HINT3: variants seen among roughly 807,000 people sequenced by gnomAD.
HINT3 encodes histidine triad nucleotide binding protein 3.
In HINT3, 16 loss-of-function variants were observed where a neutral mutation model predicts 19.1. That is an observed-to-expected ratio of 0.84 (90% CI 0.57 to 1.27). HINT3 has a LOEUF of 1.27. HINT3 is among the 50% of genes most tolerant of loss of function. The pLI, the probability that HINT3 is intolerant of heterozygous loss-of-function variation, is 0.00. For missense variants in HINT3, 197 were observed against 225.8 expected, an observed-to-expected ratio of 0.87 and a Z score of 0.82; for synonymous variants, 75 against 84.8, an observed-to-expected ratio of 0.88 and a Z score of 0.63.
chr6:125,960,772 C>T (rs1422204442), intron 1 of HINT3, among the ~76,000 whole-genome samples: 2 of 151,800 alleles, frequency 1.3e-5, no homozygotes, highest in Non-Finnish European at 2.9e-5. Context: ...AGAAAGAATA[C>T]GCACATCAGT....
rs1251076647 is a variant in HINT3 at position 125,962,249 on chromosome 6, TACACACATATATATATATATACATAC to T, written c.202-4636_202-4611del. On this transcript the variant is annotated intron_variant, in intron 1 of 4. Transcript: ENST00000229633. ...ATATATATATACACATATATATATA[TACACACATATATATATATATACATAC>T]ATATATATATACACATATATATATA... Among the ~76,000 whole-genome samples, 85 of 20,504 alleles carry T rather than the reference TACACACATATATATATATATACATAC, an allele frequency of 4.1e-3. 4 individuals are homozygous for T. The highest frequency in any genetic ancestry group is 0.013 in the East Asian group (3 of 228). 13.5% of individuals were successfully genotyped at this position (20,504 alleles called of 152,430 possible).
rs1239471829 is a variant in HINT3 at position 125,974,867 on chromosome 6, C to G, written c.410C>G (p.Pro137Arg). 1 of 1,613,710 alleles carries G rather than the reference C, an allele frequency of 6.2e-7. No individual in the cohort carries two copies. Among genetic ancestry groups the G allele is most frequent in the South Asian group, 1.1e-5 (1 of 91,042 alleles). Reference sequence around the variant, plus strand: ...TTTAGGATGGGTTTTCATATGCCACCATTCTGTTCCATTTCCCACTTGCAC... The same window carrying G: ...TTTAGGATGGGTTTTCATATGCCACGATTCTGTTCCATTTCCCACTTGCAC... The part of the protein sequence containing the change: ...TNVRMGFHMP[P>R]FCSISHLHLH... Residue 137 changes from proline to arginine, a missense_variant, in exon 4 of 5, where the codon CCA (proline) becomes CGA (arginine). By Grantham distance (103) the Pro-to-Arg change is moderately radical (BLOSUM62 -2). Transcript: ENST00000229633.
intron 4 of HINT3, 73 bp downstream of exon 4, chr6:125,975,046 C>G: frequency 7.0e-7 from 1 of 1,419,412 alleles, no homozygotes; most frequent in Non-Finnish European, 9.8e-7. Context: ...TTTTTCTTCT[C>G]AACAGTAGGC....
intron 4 of HINT3, among the ~76,000 whole-genome samples, chr6:125,976,061 A>C (rs773925563): frequency 6.6e-6 from 1 of 152,330 alleles, no homozygotes; most frequent in African/African-American, 2.4e-5. Flanking sequence ...ATGATGACAA[A>C]GTGATCTGTA....
At chr6:125,970,272 G>A (rs969083788) in intron 2 of HINT3, among the ~76,000 whole-genome samples, 1 of 152,112 alleles carries the variant, frequency 6.6e-6, no homozygotes, top group African/African-American at 2.4e-5. Flanking sequence ...TATAACTACA[G>A]TACCCTGTAC....
intron 1 of HINT3, among the ~76,000 whole-genome samples, chr6:125,962,044 CTT>C (rs1470000815): frequency 6.6e-6 from 1 of 151,088 alleles, no homozygotes; most frequent in East Asian, 1.9e-4. Flanking sequence ...GAGAGAGATT[CTT>C]TTTCTGAGGC....
intron 2 of HINT3, among the ~76,000 whole-genome samples, chr6:125,971,383 G>T (rs570040836): frequency 6.6e-6 from 1 of 152,180 alleles, no homozygotes; most frequent in Non-Finnish European, 1.5e-5. Flanking sequence ...CATATGATCA[G>T]ATGTCCTAAA....
At chr6:125,963,786 A>C (rs1312526677) in intron 1 of HINT3, among the ~76,000 whole-genome samples, 1 of 152,214 alleles carries the variant, frequency 6.6e-6, no homozygotes, top group African/African-American at 2.4e-5. Context: ...AAGTCTCCTT[A>C]GGGAGGTGTT....
At position 125,957,175 on chromosome 6, in the gene HINT3, C is replaced by A; in HGVS notation, c.198C>A (p.Cys66Ter). 2 of 1,543,410 alleles carry A rather than the reference C, an allele frequency of 1.3e-6. No homozygotes were observed. The highest frequency in any genetic ancestry group is 1.8e-6 in the Non-Finnish European group (2 of 1,142,326). Residue 66 changes from cysteine to a stop codon, truncating the protein, a stop_gained, in exon 1 of 5, where the codon TGC becomes TGA. Transcript: ENST00000229633. LOFTEE classifies it high-confidence loss of function. ...RQDPGTELLH[C>*]ENEDLICFKD... ...ACCCGGGCACCGAACTCCTGCACTG[C>A]GAGGTGGGCGGCGACGCGCGGCCGG...
intron 1 of HINT3, among the ~76,000 whole-genome samples, chr6:125,962,111 C>A (rs1188373993): frequency 1.4e-5 from 2 of 145,912 alleles, no homozygotes; most frequent in Non-Finnish European, 3.0e-5. Context: ...GTAACAAGGG[C>A]ATTGGGAGTT....
chr6:125,974,748 T>TAAATAG, intron 3 of HINT3, 99 bp from the exon 4 acceptor site: 1 of 1,131,702 alleles, frequency 8.8e-7, no homozygotes, highest in Non-Finnish European at 1.3e-6. Flanking sequence ...TTACCTTAGG[T>TAAATAG]ACTTATTTTG....
intron 1 of HINT3, among the ~76,000 whole-genome samples, chr6:125,965,494 G>T (rs1163708278): frequency 1.3e-5 from 2 of 152,130 alleles, no homozygotes; most frequent in East Asian, 3.9e-4. Flanking sequence ...AAGTATTAAA[G>T]AAATAATGGT....
At chr6:125,960,643 C>G (rs183338219) in intron 1 of HINT3, among the ~76,000 whole-genome samples, 2 of 126,354 alleles carry the variant, frequency 1.6e-5, no homozygotes, top group Admixed American at 1.1e-4. Context: ...GGTGACAGAG[C>G]AAGACTCTCT....
intron 1 of HINT3, among the ~76,000 whole-genome samples, chr6:125,957,884 T>C (rs886323872): frequency 6.6e-6 from 1 of 152,244 alleles, no homozygotes; most frequent in Admixed American, 6.5e-5. Flanking sequence ...TTGTGTCTTT[T>C]GTAGTAAACA....
rs1433966734 is a variant in HINT3 at position 125,979,135 on chromosome 6, T to G, written c.*1459T>G. 2.0e-5 allele frequency: 3 copies of G among 152,164 alleles called. No individual in the cohort carries two copies. The highest frequency in any genetic ancestry group is 2.0e-4 in the Admixed American group (3 of 15,260). The allele number at this position is 152,164 out of a possible 1,614,324, so 9.4% of individuals were successfully genotyped here. A position where few individuals can be genotyped will look rare whatever the true frequency, so the allele number is the denominator to read the frequency against. ...ACAGTGACTGGTTAGGCTGAGAAAC[T>G]TACAAGTATTTTCGTTGAGTTCTGC... On this transcript the variant is annotated 3_prime_UTR_variant, in exon 5 of 5. Transcript: ENST00000229633.
At chr6:125,962,238 A>ATGTG (rs1562212198) in intron 1 of HINT3, among the ~76,000 whole-genome samples, 27 of 30,440 alleles carry the variant, frequency 8.9e-4, no homozygotes, top group Non-Finnish European at 1.1e-3. Context: ...ATATATACAC[A>ATGTG]TATATATATA....
At chr6:125,975,703 A>C (rs560529237) in intron 4 of HINT3, among the ~76,000 whole-genome samples, 4 of 150,368 alleles carry the variant, frequency 2.7e-5, no homozygotes, top group South Asian at 2.1e-4. Flanking sequence ...TCAGCCTCCC[A>C]AGTAGCTGGG....
rs200614996 is a variant in HINT3, at chr6:125,975,583, TG to T, written c.516+611del. Reference sequence around the variant, plus strand: ...CCTATCAGATCTGTGGCTGAAGAGTTGTTTTTTTTTTTTTTGAGACAGTCTC... The same window carrying T: ...CCTATCAGATCTGTGGCTGAAGAGTTTTTTTTTTTTTTTTGAGACAGTCTC... On this transcript the variant is annotated intron_variant, in intron 4 of 4. Transcript: ENST00000229633. Among the ~76,000 whole-genome samples, 14 of 148,934 alleles carry T rather than the reference TG, an allele frequency of 9.4e-5. 2 individuals carry two copies. The highest frequency in any genetic ancestry group is 1.0e-4 in the Non-Finnish European group (7 of 67,158).
chr6:125,971,691 T>A (rs1250835705), intron 2 of HINT3, among the ~76,000 whole-genome samples: 1 of 141,760 alleles, frequency 7.1e-6, no homozygotes, highest in East Asian at 2.2e-4. Flanking sequence ...TGCACCACCA[T>A]GCCTGGCTAC....
Sources: allele counts gnomAD v4.1 joint callset (sites outside exome capture counted in the v4.1 genomes callset), GRCh38; gene constraint gnomAD v4.1.1; transcripts MANE v1.5; gene names NCBI Gene and HGNC (gene_info 2026-07-23, HGNC 2026-07-21).